WFS1: variants seen among roughly 807,000 people sequenced by gnomAD.
WFS1 encodes wolframin ER transmembrane glycoprotein.
A neutral mutation model predicts 68.5 loss-of-function variants in WFS1; 90 were observed. That is an observed-to-expected ratio of 1.31 (90% CI 1.11 to 1.56). The LOEUF (loss-of-function observed/expected upper bound fraction) is 1.56, where lower values mean the gene tolerates loss of function less well. WFS1 is among the 40% of genes most tolerant of loss of function. The pLI is 0.00. For missense variants in WFS1, 1,767 were observed against 1,232.6 expected (o/e 1.43, Z -6.49); for synonymous variants, 860 against 540.7 (o/e 1.59, Z -8.19).
At chr4:6,277,292 G>T (rs537738354) in intron 1 of WFS1, among the ~76,000 whole-genome samples, 159 bp from the exon 2 acceptor site, 1 of 152,390 alleles carries the variant, frequency 6.6e-6, no homozygotes, top group South Asian at 2.1e-4. Flanking sequence ...TGGAAGCGGT[G>T]CTGGCCCATG....
chr4:6,275,331 C>T (rs1184186095), intron 1 of WFS1, among the ~76,000 whole-genome samples: 2 of 152,200 alleles, frequency 1.3e-5, no homozygotes, highest in Non-Finnish European at 2.9e-5. Context: ...CGGTGGCCTG[C>T]AGGACCGTGG....
In WFS1 at chr4:6,283,868, A is replaced by G. The variant is rs148347523; in HGVS notation, c.233-3225A>G. On this transcript the variant is annotated intron_variant, in intron 2 of 7. Transcript: ENST00000226760. The surrounding 1 kb of genome is among the most constrained non-coding windows in gnomAD (Gnocchi z 5.0). The stretch of plus-strand genomic sequence containing the variant: ...AGGAACGGAGGTCGAGCACACAGAA[A>G]ACACGTGTGTTTGATGGTTCTTGGT... 1.4e-3 allele frequency among the ~76,000 whole-genome samples: 218 copies of G among 152,092 alleles called. No individual in the cohort carries two copies. The highest frequency in any genetic ancestry group is 4.9e-3 in the African/African-American group (203 of 41,494).
intron 7 of WFS1, 56 bp downstream of exon 7, chr4:6,295,245 C>G: frequency 6.2e-7 from 1 of 1,604,962 alleles, no homozygotes. Context: ...ACTCGCGCAC[C>G]TCAGGCAGGG....
rs145182895 is a variant in WFS1, at chr4:6,280,040, G to C, written c.232+2353G>C. ...GGGGAACCACTGCCAACGGGTCGGG[G>C]CTTGGAAGCTCAGGGGCTCCTGGGC... On this transcript the variant is annotated intron_variant, in intron 2 of 7. Transcript: ENST00000226760. Among the ~76,000 whole-genome samples the C allele has an allele frequency of 2.6e-3, 394 of 151,276 alleles. 3 individuals are homozygous for C. The highest frequency in any genetic ancestry group is 7.7e-3 in the African/African-American group (316 of 41,060).
At chr4:6,284,198 T>C (rs907816955) in intron 2 of WFS1, among the ~76,000 whole-genome samples, 51 of 152,024 alleles carry the variant, frequency 3.4e-4, no homozygotes, top group Non-Finnish European at 5.7e-4. Flanking sequence ...GGTGAAACCC[T>C]GTCTCTACTA....
rs144840779 is a variant in WFS1, at chr4:6,301,834, A to C, written c.2039A>C (p.Glu680Ala). Residue 680 changes from glutamate to alanine, a missense_variant, in exon 8 of 8, where the codon GAG becomes GCG. Transcript: ENST00000226760. ...GALCGPRAWKETNMARTQILC... is the reference protein window; with the variant it reads ...GALCGPRAWKATNMARTQILC... ...CTGTGCGGGCCACGCGCCTGGAAGG[A>C]GACCAACATGGCGCGCACCCAGATC... 151 of 1,613,164 alleles carry C rather than the reference A, an allele frequency of 9.4e-5. No homozygotes were observed. The African/African-American group carries it at 1.8e-3, about 19-fold the overall frequency.
At chr4:6,293,432 A>G (rs888810484) in intron 6 of WFS1, among the ~76,000 whole-genome samples, 3 of 152,154 alleles carry the variant, frequency 2.0e-5, no homozygotes, top group Non-Finnish European at 2.9e-5. Context: ...ACTCCCAGAA[A>G]GGGGCGTCTG....
chr4:6,274,007 A>G (rs1729910927), intron 1 of WFS1, among the ~76,000 whole-genome samples: 1 of 151,996 alleles, frequency 6.6e-6, no homozygotes, highest in Non-Finnish European at 1.5e-5. Context: ...GCCTTTGTTT[A>G]GCACCTGGGA....
intron 5 of WFS1, 84 bp downstream of exon 5, chr4:6,291,451 C>G (rs895789059): frequency 3.6e-5 from 56 of 1,545,160 alleles, no homozygotes; most frequent in Non-Finnish European, 4.6e-5. Context: ...GGGGCTGGGA[C>G]CTTCCCTCAG....
rs71539642 is a variant in WFS1 at position 6,291,106 on chromosome 4, G to A, written c.461-91G>A. 3,882 of 1,472,726 alleles carry A rather than the reference G, an allele frequency of 2.6e-3. 53 individuals are homozygous for A. In the African/African-American group the frequency reaches 0.036, roughly 14 times the overall value. The allele number at this position is 1,472,726 out of a possible 1,614,324, so 91.2% of individuals were successfully genotyped here. A position where few individuals can be genotyped will look rare whatever the true frequency, so the allele number is the denominator to read the frequency against. ...CTGACACCTTCTATGAGTCTCGCTC[G>A]AAAGCCTTCCAGGCAGAGTTGGCAG... On this transcript the variant is annotated intron_variant, in intron 4 of 7. Transcript: ENST00000226760.
intron 1 of WFS1, among the ~76,000 whole-genome samples, chr4:6,271,035 C>CT (rs1483090175): frequency 6.6e-6 from 1 of 152,214 alleles, no homozygotes; most frequent in Middle Eastern, 3.2e-3. Flanking sequence ...TTGTAAAGGG[C>CT]TTTCTCTTAT....
intron 7 of WFS1, 89 bp from the exon 8 acceptor site, chr4:6,300,568 C>G: frequency 3.2e-6 from 5 of 1,587,266 alleles, no homozygotes; most frequent in Non-Finnish European, 4.3e-6. Context: ...TTCCTTTTGC[C>G]CAGAGGCAGG....
chr4:6,274,129 C>T (rs1260692217), intron 1 of WFS1, among the ~76,000 whole-genome samples: 1 of 151,856 alleles, frequency 6.6e-6, no homozygotes, highest in Non-Finnish European at 1.5e-5. Flanking sequence ...TCACTGCAAG[C>T]TCCATCTCCT....
At chr4:6,276,679 G>A (rs1730004613) in intron 1 of WFS1, among the ~76,000 whole-genome samples, 1 of 152,268 alleles carries the variant, frequency 6.6e-6, no homozygotes, top group African/African-American at 2.4e-5. Flanking sequence ...CTCAGTACCA[G>A]CGTATTAGTT....
rs780471127 is a variant in WFS1 at position 6,301,614 on chromosome 4, C to T, written c.1819C>T (p.Pro607Ser). ...IAVTVAVCSV[P>S]LLLRWWTKAS... ...AGTCACCGTGGCGGTCTGTAGTGTG[C>T]CCCTGCTGTTGCGCTGGTGGACCAA... Residue 607 changes from proline to serine, a missense_variant, in exon 8 of 8, where the codon CCC (proline) becomes TCC (serine). Pro to Ser is a moderately conservative substitution (Grantham distance 74). Transcript: ENST00000226760. 8.1e-6 allele frequency: 13 copies of T among 1,614,138 alleles called. No individual in the cohort carries two copies. Among genetic ancestry groups the T allele is most frequent in the Non-Finnish European group, 1.1e-5 (13 of 1,180,026 alleles).
In WFS1 at chr4:6,293,481, C is replaced by G. The variant is rs373712836; in HGVS notation, c.712+1484C>G. Among the ~76,000 whole-genome samples the G allele has an allele frequency of 7.2e-5, 11 of 152,034 alleles. No homozygotes were observed. In the East Asian group the frequency reaches 2.1e-3, roughly 30 times the overall value. On this transcript the variant is annotated intron_variant, in intron 6 of 7. Transcript: ENST00000226760. The stretch of plus-strand genomic sequence containing the variant: ...TCGTCCTCCGTCCTTTGCTCTCAGG[C>G]CTCTGCCATGTTATTCCACCAAAGC...
chr4:6,292,865 G>A (rs1003799310), intron 6 of WFS1, among the ~76,000 whole-genome samples: 2 of 152,198 alleles, frequency 1.3e-5, no homozygotes, highest in Non-Finnish European at 2.9e-5. Flanking sequence ...GTGGCATGTA[G>A]GGCAGAGTAC....
Position 6,300,987 on chromosome 4 carries a change from G to A in WFS1, c.1192G>A (p.Gly398Ser), listed in dbSNP as rs863224269. The change falls in exon 8 of 8, where the codon GGC (glycine) becomes AGC (serine). Residue 398 changes from glycine to serine, a missense_variant. Coordinates refer to ENST00000226760, the MANE Select transcript of WFS1 (RefSeq NM_006005.3). The stretch of plus-strand genomic sequence containing the variant: ...TGTGGAGCAGGCCGAGGTCAACTTC[G>A]GCTGGAACCACCTGGAGCCCTATGC... ...LDVEQAEVNF[G>S]WNHLEPYAHF... 41 of 1,613,934 alleles carry A rather than the reference G, an allele frequency of 2.5e-5. No homozygotes were observed. Among genetic ancestry groups the A allele is most frequent in the Middle Eastern group, 1.6e-4 (1 of 6,062 alleles).
Position 6,277,565 on chromosome 4 carries a change from G to C in WFS1, c.110G>C (p.Arg37Thr), listed in dbSNP as rs1225406956. Residue 37 changes from arginine to threonine, a missense_variant, in exon 2 of 8, where the codon AGG becomes ACG. Coordinates refer to ENST00000226760, the MANE Select transcript of WFS1 (RefSeq NM_006005.3). ...GCCACAGCCTCGTTGGAGCAGGAGA[G>C]GAGCGAAAGGCCCCGAGCACCCGGA... ...LNATASLEQE[R>T]SERPRAPGPQ... 8 of 1,588,956 alleles carry C rather than the reference G, an allele frequency of 5.0e-6. No individual in the cohort carries two copies. Among genetic ancestry groups the C allele is most frequent in the Middle Eastern group, 1.7e-4 (1 of 6,030 alleles).
Sources: gnomAD v4.1 joint callset for allele counts (sites outside exome capture counted in the v4.1 genomes callset) on GRCh38, gnomAD v4.1.1 for gene constraint, Gnocchi (gnomAD v3.1) non-coding constraint, MANE v1.5 for transcripts, NCBI Gene and HGNC (gene_info 2026-07-23, HGNC 2026-07-21) for gene names.